Variants in CARF observed in about 807,000 individuals in gnomAD.
CARF encodes the protein calcium-responsive transcription factor.
In CARF, 57 loss-of-function variants were observed where a neutral mutation model predicts 82.0. That is an observed-to-expected ratio of 0.70 (90% CI 0.56 to 0.87). The LOEUF (loss-of-function observed/expected upper bound fraction) is 0.87. CARF is among the 40% of genes least tolerant of loss of function. CARF has a pLI of 0.00. For synonymous variants in CARF, 268 were observed against 290.1 expected (o/e 0.92, Z 0.77); for missense variants, 771 against 855.8 (o/e 0.90, Z 1.24).
rs1693966440 is a variant in CARF, at chr2:202,936,445, G to A, written c.-43-5415G>A. ...ATTAGTCCATTATACCTTCCCTCAAGCCTCTGGCATCCACCAGTCTACTTT... is the reference window on the plus strand; with the variant it reads ...ATTAGTCCATTATACCTTCCCTCAAACCTCTGGCATCCACCAGTCTACTTT... On this transcript the variant is annotated intron_variant, in intron 3 of 16. Coordinates refer to ENST00000438828, the MANE Select transcript of CARF (RefSeq NM_024744.17). 3.9e-5 allele frequency among the ~76,000 whole-genome samples: 6 copies of A among 152,114 alleles called. No individual in the cohort carries two copies. The South Asian group carries it at 1.2e-3, about 32-fold the overall frequency.
intron 3 of CARF, among the ~76,000 whole-genome samples, chr2:202,939,839 C>T (rs535232979): frequency 3.1e-4 from 47 of 151,554 alleles, no homozygotes; most frequent in Middle Eastern, 3.4e-3. Flanking sequence ...CAGACCCACA[C>T]CACCAGACAT....
chr2:202,953,902 A>T (rs1048780278), intron 6 of CARF, 103 bp from the exon 7 acceptor site: 1 of 968,020 alleles, frequency 1.0e-6, no homozygotes, highest in Non-Finnish European at 1.4e-6. Flanking sequence ...AATAAAGCAT[A>T]AATTTTCTTT....
intron 5 of CARF, among the ~76,000 whole-genome samples, chr2:202,951,271 A>T (rs1474869811): frequency 6.6e-6 from 1 of 152,160 alleles, no homozygotes; most frequent in East Asian, 1.9e-4. Flanking sequence ...GGTTCAAGTG[A>T]TCCTCTCACC....
At chr2:202,974,753 G>A (rs1299844837) in intron 13 of CARF, among the ~76,000 whole-genome samples, 1 of 151,978 alleles carries the variant, frequency 6.6e-6, no homozygotes, top group African/African-American at 2.4e-5. Flanking sequence ...ACAAAGATTG[G>A]GTGGGCGTGA....
At chr2:202,977,470 G>C in intron 14 of CARF, 138 bp downstream of exon 14, 1 of 632,528 alleles carries the variant, frequency 1.6e-6, no homozygotes, top group African/African-American at 1.8e-5. Flanking sequence ...CTATGTTATG[G>C]TTTATCAACA....
Position 202,977,305 on chromosome 2 carries a change from G to A in CARF, c.1531G>A (p.Glu511Lys), listed in dbSNP as rs1396475597. 1 of 1,612,394 alleles carries A rather than the reference G, an allele frequency of 6.2e-7. No homozygotes were observed. Among genetic ancestry groups the A allele is most frequent in the Non-Finnish European group, 8.5e-7 (1 of 1,179,050 alleles). Residue 511 changes from glutamate to lysine, a missense_variant, in exon 14 of 17, where the codon GAG becomes AAG. Physicochemically the swap from Glu to Lys is moderately conservative, Grantham distance 56 (BLOSUM62 1). Transcript: ENST00000438828. ...WTTDSGNILK[E>K]TMTVTFAEGN... ...TACAGACAGTGGGAATATTCTCAAA[G>A]AGACCATGACAGTTACATTTGCAGA...
rs1443231570 is a variant in CARF, at chr2:202,984,240, C to G, written c.*616C>G. On this transcript the variant is annotated 3_prime_UTR_variant, in exon 17 of 17. Coordinates refer to ENST00000438828, the MANE Select transcript of CARF (RefSeq NM_024744.17). ...AGCCTCTTCCCTTCCAATTTTTGTA[C>G]TTTTAACTACAAACCAGTAGTATAC... is the stretch of plus-strand genomic sequence containing the variant. 1 of 152,124 alleles carries G rather than the reference C, an allele frequency of 6.6e-6. No individual in the cohort carries two copies. The highest frequency in any genetic ancestry group is 1.5e-5 in the Non-Finnish European group (1 of 68,022). 9.4% of individuals were successfully genotyped at this position (152,124 alleles called of 1,614,324 possible).
At chr2:202,933,160 T>C (rs1304646314) in intron 3 of CARF, among the ~76,000 whole-genome samples, 1 of 152,120 alleles carries the variant, frequency 6.6e-6, no homozygotes, top group Non-Finnish European at 1.5e-5. Context: ...GTGGGGTGGC[T>C]CCACCTCTGC....
At chr2:202,956,795 T>C (rs1180949539) in intron 8 of CARF, among the ~76,000 whole-genome samples, 1 of 152,100 alleles carries the variant, frequency 6.6e-6, no homozygotes, top group Non-Finnish European at 1.5e-5. Flanking sequence ...TCTTTTTCTT[T>C]TTTATTTTTT....
intron 3 of CARF, among the ~76,000 whole-genome samples, chr2:202,940,461 G>T (rs2058176006): frequency 6.6e-6 from 1 of 152,122 alleles, no homozygotes; most frequent in African/African-American, 2.4e-5. Flanking sequence ...TTTAGGGGCT[G>T]TCTGAATCTG....
chr2:202,986,893 T>TATATATACATATATATATATATATAC lies in CARF; in HGVS notation c.*3276_*3277insCATATATATATATATATACATATATA, dbSNP rs1559299283. 4.8e-4 allele frequency: 64 copies of TATATATACATATATATATATATATAC among 132,536 alleles called. No homozygotes were observed. The highest frequency in any genetic ancestry group is 6.5e-4 in the East Asian group (3 of 4,632). 8.2% of individuals were successfully genotyped at this position (132,536 alleles called of 1,614,324 possible). A position where few individuals can be genotyped will look rare whatever the true frequency, so the allele number is the denominator to read the frequency against. On this transcript the variant is annotated 3_prime_UTR_variant, in exon 17 of 17. Coordinates refer to ENST00000438828, the MANE Select transcript of CARF (RefSeq NM_024744.17). ...GTATATATATATATATATATATATA[T>TATATATACATATATATATATATATAC]ATATATATATATATAGCAACTTGAT...
At chr2:202,933,856 TCTTTC>T (rs796343488) in intron 3 of CARF, among the ~76,000 whole-genome samples, 11 of 120,514 alleles carry the variant, frequency 9.1e-5, no homozygotes, top group African/African-American at 2.6e-4. Context: ...GCTTTTCTTT[TCTTTC>T]CTTTCTTTTC....
chr2:202,946,622 ATTGCAACAG>A (rs1360364018), intron 5 of CARF, among the ~76,000 whole-genome samples: 1 of 152,244 alleles, frequency 6.6e-6, no homozygotes, highest in Admixed American at 6.5e-5. Flanking sequence ...ACCAAAAGCA[ATTGCAACAG>A]AAGCTAAAGT....
At chr2:202,946,580 A>G (rs977459323) in intron 5 of CARF, among the ~76,000 whole-genome samples, 6 of 152,242 alleles carry the variant, frequency 3.9e-5, no homozygotes, top group Non-Finnish European at 7.3e-5. Context: ...CATTCAGGAC[A>G]TAGGCATGGG....
At position 202,986,063 on chromosome 2, in the gene CARF, A is replaced by G. The variant is rs2060418936; in HGVS notation, c.*2439A>G. 1 of 152,150 alleles carries G rather than the reference A, an allele frequency of 6.6e-6. No homozygotes were observed. Among genetic ancestry groups the G allele is most frequent in the Admixed American group, 6.5e-5 (1 of 15,270 alleles). The allele number at this position is 152,150 out of a possible 1,614,324, so 9.4% of individuals were successfully genotyped here. A position where few individuals can be genotyped will look rare whatever the true frequency, so the allele number is the denominator to read the frequency against. The stretch of plus-strand genomic sequence containing the variant: ...ACAAAACCCCACAAAAACCAAGAGC[A>G]TGAAGAAAAGTTTAAATCCCTAATT... On this transcript the variant is annotated 3_prime_UTR_variant, in exon 17 of 17. Transcript: ENST00000438828.
chr2:202,958,531 A>C (rs907088399), intron 8 of CARF, among the ~76,000 whole-genome samples: 4 of 152,148 alleles, frequency 2.6e-5, no homozygotes, highest in African/African-American at 9.7e-5. Flanking sequence ...CCTGTCCAAC[A>C]GACTTGAGTA....
At chr2:202,974,670 G>A (rs1053363587) in intron 13 of CARF, among the ~76,000 whole-genome samples, 174 bp downstream of exon 13, 16 of 152,096 alleles carry the variant, frequency 1.1e-4, no homozygotes, top group African/African-American at 3.6e-4. Context: ...AGGCCGAGAC[G>A]GGTGGATCAC....
intron 3 of CARF, chr2:202,925,003 A>G (rs554630807): frequency 4.4e-5 from 17 of 389,656 alleles, no homozygotes; most frequent in African/African-American, 6.2e-5. Context: ...ACTGGAGACC[A>G]AGTGGATCCT....
At chr2:202,960,008 TAAAG>T (rs1472517973) in intron 8 of CARF, among the ~76,000 whole-genome samples, 2 of 151,958 alleles carry the variant, frequency 1.3e-5, no homozygotes, top group African/African-American at 2.4e-5. Context: ...AGCTAAACAA[TAAAG>T]AAAGACAAGG....
Sources: allele counts gnomAD v4.1 joint callset (sites outside exome capture counted in the v4.1 genomes callset), GRCh38; gene constraint gnomAD v4.1.1; transcripts MANE v1.5; gene names NCBI Gene and HGNC (gene_info 2026-07-23, HGNC 2026-07-21).